The following MARK3 variants were observed in gnomAD, a reference collection of about 807,000 sequenced individuals.
MARK3 encodes the protein MAP/microtubule affinity-regulating kinase 3.
A neutral mutation model predicts 90.1 loss-of-function variants in MARK3; 46 were observed. That is an observed-to-expected ratio of 0.51 (90% CI 0.40 to 0.65). MARK3 has a LOEUF of 0.65. Ranked by LOEUF, MARK3 falls within the 30% of genes least tolerant of loss-of-function variation. The pLI, the probability that MARK3 is intolerant of heterozygous loss-of-function variation, is 0.00. For missense variants in MARK3, 818 were observed against 947.2 expected (o/e 0.86, Z 1.79); for synonymous variants, 321 against 332.6 (o/e 0.97, Z 0.38).
chr14:103,454,010 C>CA (rs2093216962), intron 5 of MARK3, among the ~76,000 whole-genome samples: 1 of 152,094 alleles, frequency 6.6e-6, no homozygotes, highest in Admixed American at 6.5e-5. Context: ...CATATAGGGG[C>CA]AAGACAAAAA....
chr14:103,482,706 C>A (rs2093848871), intron 14 of MARK3, among the ~76,000 whole-genome samples: 1 of 152,146 alleles, frequency 6.6e-6, no homozygotes, highest in African/African-American at 2.4e-5. Context: ...CAGGCACATG[C>A]ATATATGCCT....
chr14:103,414,184 A>C (rs1595549827), intron 2 of MARK3, among the ~76,000 whole-genome samples: 1 of 150,380 alleles, frequency 6.6e-6, no homozygotes, highest in African/African-American at 2.4e-5. Flanking sequence ...TATTTTTATT[A>C]CTTAGTACTT....
chr14:103,436,144 G>T (rs2092711494), intron 3 of MARK3, among the ~76,000 whole-genome samples: 1 of 152,140 alleles, frequency 6.6e-6, no homozygotes, highest in African/African-American at 2.4e-5. Context: ...ACCCGCTTCA[G>T]CCTCCCAAAG....
intron 3 of MARK3, among the ~76,000 whole-genome samples, chr14:103,444,497 G>C (rs2092943376): frequency 6.6e-6 from 1 of 152,226 alleles, no homozygotes; most frequent in Non-Finnish European, 1.5e-5. Context: ...AGTAGAAATA[G>C]GCTGGGCGCG....
intron 13 of MARK3, among the ~76,000 whole-genome samples, chr14:103,476,382 A>G (rs1353065658): frequency 6.6e-6 from 1 of 152,182 alleles, no homozygotes; most frequent in African/African-American, 2.4e-5. Flanking sequence ...GACCATGCTC[A>G]GTGCTTTTTC....
intron 7 of MARK3, 98 bp from the exon 8 acceptor site, chr14:103,465,459 A>G: frequency 2.6e-6 from 2 of 781,498 alleles, no homozygotes; most frequent in South Asian, 1.6e-5. Context: ...AGGTAACTTC[A>G]TATCATTACA....
At position 103,475,049 on chromosome 14, in the gene MARK3, G is replaced by A. The variant is rs760013107; in HGVS notation, c.1321G>A (p.Ala441Thr). Residue 441 changes from alanine (A) to threonine (T), a missense_variant, in exon 13 of 18, where the codon GCA becomes ACA. Around this residue, in one of 3 missense-constraint regions of MARK3, gnomAD observed 560 missense variants for 613.5 expected, o/e 0.91. Transcript: ENST00000429436. ...AYPKRSQTST[A>T]DSDLKEDGIS... ...TCCGAAAAGGAGTCAGACCAGCACT[G>A]CAGATAGTGACCTCAAAGAAGATGG... is the stretch of plus-strand genomic sequence containing the variant. 6.2e-7 allele frequency: 1 copy of A among 1,614,200 alleles called. No homozygotes were observed. Among genetic ancestry groups the A allele is most frequent in the East Asian group, 2.2e-5 (1 of 44,890 alleles).
chr14:103,467,065 T>C lies in MARK3; in HGVS notation c.998-14T>C, dbSNP rs1345526722. 8.3e-7 allele frequency: 1 copy of C among 1,199,088 alleles called. No homozygotes were observed. Among genetic ancestry groups the C allele is most frequent in the Non-Finnish European group, 1.2e-6 (1 of 817,524 alleles). 74.3% of individuals were successfully genotyped at this position (1,199,088 alleles called of 1,614,324 possible). On this transcript the variant is annotated splice_polypyrimidine_tract_variant and intron_variant, in intron 10 of 17. Coordinates refer to ENST00000429436, the MANE Select transcript of MARK3 (RefSeq NM_001128918.3). ...CAAACAAAACACATAAACTGTATTA[T>C]GCCCTTCTTTTAGATATTATGGTGG...
intron 2 of MARK3, among the ~76,000 whole-genome samples, chr14:103,421,439 G>A (rs1004770879): frequency 4.6e-5 from 7 of 152,146 alleles, no homozygotes; most frequent in Non-Finnish European, 8.8e-5. Context: ...AAAATCACAG[G>A]CTTTCCTCAT....
intron 4 of MARK3, among the ~76,000 whole-genome samples, chr14:103,449,411 C>G (rs997941713): frequency 8.0e-5 from 6 of 74,680 alleles, no homozygotes; most frequent in African/African-American, 3.4e-4. Context: ...CCCCGTCTCT[C>G]CAAAAAAAAA....
intron 2 of MARK3, among the ~76,000 whole-genome samples, chr14:103,410,332 A>C (rs1446053829): frequency 1.3e-5 from 2 of 152,160 alleles, no homozygotes; most frequent in Non-Finnish European, 2.9e-5. Context: ...GAGCCCTTGC[A>C]ATCTGATTGC....
At chr14:103,438,748 C>A (rs1359312326) in intron 3 of MARK3, among the ~76,000 whole-genome samples, 1 of 152,118 alleles carries the variant, frequency 6.6e-6, no homozygotes, top group Non-Finnish European at 1.5e-5. Flanking sequence ...AATCCCAGCA[C>A]TTTGGGTGAC....
intron 2 of MARK3, among the ~76,000 whole-genome samples, chr14:103,420,002 CAG>C (rs1208302074): frequency 6.6e-6 from 1 of 151,744 alleles, no homozygotes; most frequent in East Asian, 1.9e-4. Context: ...GAAAAAGAAA[CAG>C]AAACTTTTGG....
chr14:103,465,500 A>G (rs1566892663), intron 7 of MARK3, 57 bp from the exon 8 acceptor site: 27 of 1,233,706 alleles, frequency 2.2e-5, no homozygotes, highest in Non-Finnish European at 3.0e-5. Flanking sequence ...TAATCCTGTC[A>G]TAATTCTAAT....
At chr14:103,423,000 C>T (rs1385150716) in intron 2 of MARK3, among the ~76,000 whole-genome samples, 2 of 152,078 alleles carry the variant, frequency 1.3e-5, no homozygotes, top group Non-Finnish European at 2.9e-5. Flanking sequence ...TGAAGAGACA[C>T]CAGAACGCTA....
Position 103,385,515 on chromosome 14 carries a change from G to C in MARK3, c.-515G>C, listed in dbSNP as rs1260143005. 6.5e-6 allele frequency: 1 copy of C among 154,066 alleles called. No individual in the cohort carries two copies. Among genetic ancestry groups the C allele is most frequent in the Admixed American group, 6.5e-5 (1 of 15,270 alleles). 9.5% of individuals were successfully genotyped at this position (154,066 alleles called of 1,614,324 possible). ...GCTCGCTAGAGAGGGAGAAGCAGTC[G>C]GGCGCAGGCGCCTCCTCCGCAGCCC... On this transcript the variant is annotated 5_prime_UTR_variant, in exon 1 of 18. Transcript: ENST00000429436.
chr14:103,401,919 T>C (rs942390719), intron 1 of MARK3, among the ~76,000 whole-genome samples: 8 of 152,162 alleles, frequency 5.3e-5, no homozygotes, highest in African/African-American at 1.9e-4. Flanking sequence ...AGCAGGTTTT[T>C]CTTAGATTTG....
At chr14:103,501,262 CA>C (rs2075648969) in intron 17 of MARK3, among the ~76,000 whole-genome samples, 2 of 152,254 alleles carry the variant, frequency 1.3e-5, no homozygotes, top group African/African-American at 4.8e-5. Context: ...GGGTGAGTGC[CA>C]GGCAGCATTC....
At chr14:103,412,093 A>T (rs995320439) in intron 2 of MARK3, 26 of 656,632 alleles carry the variant, frequency 4.0e-5, no homozygotes, top group Non-Finnish European at 5.2e-5. Flanking sequence ...TTTTACTAGT[A>T]GCAGTAGAAT....
Sources: gnomAD v4.1 joint callset for allele counts (sites outside exome capture counted in the v4.1 genomes callset) on GRCh38, gnomAD v4.1.1 for gene constraint, gnomAD v4.1.1 regional missense constraint, MANE v1.5 for transcripts, NCBI Gene and HGNC (gene_info 2026-07-23, HGNC 2026-07-21) for gene names.